CRYZL1: variants seen among roughly 807,000 people sequenced by gnomAD.
CRYZL1 encodes crystallin zeta like 1.
Under a neutral mutation model 50.6 loss-of-function variants are expected in CRYZL1, and 34 were observed. The ratio of observed to expected loss-of-function variants is 0.67; its 90% CI spans 0.51 to 0.89. The LOEUF is 0.89. Among genes scored for constraint, CRYZL1 ranks in the 40% least tolerant of loss-of-function variants. CRYZL1 has a pLI of 0.00. For missense variants in CRYZL1, 354 were observed against 402.3 expected, an observed-to-expected ratio of 0.88 and a Z score of 1.03; for synonymous variants, 125 against 134.3, an observed-to-expected ratio of 0.93 and a Z score of 0.48.
chr21:33,595,411 G>C, intron 11 of CRYZL1: 1 of 1,336,946 alleles, frequency 7.5e-7, no homozygotes, highest in Non-Finnish European at 9.9e-7. Flanking sequence ...AATCTTCCAG[G>C]TATCTTAGGG....
At chr21:33,627,266 G>T (rs933064714) in intron 2 of CRYZL1, among the ~76,000 whole-genome samples, 6 of 152,128 alleles carry the variant, frequency 3.9e-5, no homozygotes, top group South Asian at 2.1e-4. Flanking sequence ...ACCATGCCCA[G>T]CTAATTTTTT....
intron 4 of CRYZL1, among the ~76,000 whole-genome samples, chr21:33,621,307 A>C (rs1163349877): frequency 7.2e-6 from 1 of 139,716 alleles, no homozygotes; most frequent in Admixed American, 7.8e-5. Context: ...CTGATGAACC[A>C]AAAAAAAAAA....
chr21:33,601,183 C>G (rs1054577053), intron 8 of CRYZL1, among the ~76,000 whole-genome samples: 3 of 151,682 alleles, frequency 2.0e-5, no homozygotes, highest in African/African-American at 7.3e-5. Flanking sequence ...GTGATCCACC[C>G]GCCTCGGCCT....
chr21:33,613,460 A>G (rs890005775), intron 6 of CRYZL1, 78 bp downstream of exon 6: 2 of 1,012,378 alleles, frequency 2.0e-6, no homozygotes, highest in African/African-American at 3.2e-5. Flanking sequence ...GTAGATTCAA[A>G]AAAATTAAAA....
intron 6 of CRYZL1, 71 bp from the exon 7 acceptor site, chr21:33,603,608 C>G (rs1601330766): frequency 6.4e-7 from 1 of 1,568,012 alleles, no homozygotes; most frequent in East Asian, 2.3e-5. Flanking sequence ...ATCTATTTCT[C>G]TCCATCTCTA....
intron 6 of CRYZL1, 43 bp from the exon 7 acceptor site, chr21:33,603,580 A>C (rs1470986428): frequency 6.2e-7 from 1 of 1,609,076 alleles, no homozygotes; most frequent in Non-Finnish European, 8.5e-7. Context: ...AGCAAGTCCC[A>C]CAAGTCCTAC....
intron 1 of CRYZL1, among the ~76,000 whole-genome samples, chr21:33,635,364 T>A (rs1374062363): frequency 2.0e-5 from 3 of 146,770 alleles, no homozygotes; most frequent in African/African-American, 7.6e-5. Flanking sequence ...TTTTTTTTTT[T>A]TTTTGAGACG....
intron 2 of CRYZL1, among the ~76,000 whole-genome samples, chr21:33,628,454 TC>T (rs2087095690): frequency 6.6e-6 from 1 of 152,204 alleles, no homozygotes. Flanking sequence ...ACATAGACTA[TC>T]TTTCCACTTA....
intron 6 of CRYZL1, among the ~76,000 whole-genome samples, chr21:33,603,795 G>A (rs2145925760): frequency 6.6e-6 from 1 of 152,242 alleles, no homozygotes; most frequent in East Asian, 1.9e-4. Context: ...AAATATAGCT[G>A]GATGAATAAA....
At chr21:33,641,337 A>C in intron 1 of CRYZL1, 1 of 1,532,624 alleles carries the variant, frequency 6.5e-7, no homozygotes, top group Non-Finnish European at 8.8e-7. Flanking sequence ...AGAAAAAGAC[A>C]CTCAAATTCT....
At chr21:33,596,179 T>C in intron 10 of CRYZL1, 2 of 506,324 alleles carry the variant, frequency 4.0e-6, no homozygotes, top group South Asian at 1.6e-5. Flanking sequence ...TCAGCCATCA[T>C]GTAAATATGT....
intron 8 of CRYZL1, among the ~76,000 whole-genome samples, chr21:33,600,772 C>A (rs2086743209): frequency 1.3e-5 from 2 of 149,168 alleles, no homozygotes; most frequent in Non-Finnish European, 3.0e-5. Flanking sequence ...ACTACAGGTG[C>A]CCGCCACCAT....
Position 33,590,004 on chromosome 21 carries a change from C to T in CRYZL1, c.951-83G>A. 2 of 749,580 alleles carry T rather than the reference C, an allele frequency of 2.7e-6. 1 individual carries two copies. Among genetic ancestry groups the T allele is most frequent in the South Asian group, 3.7e-5 (2 of 54,260 alleles). 46.4% of individuals were successfully genotyped at this position (749,580 alleles called of 1,614,324 possible). A position where few individuals can be genotyped will look rare whatever the true frequency, so the allele number is the denominator to read the frequency against. ...GGGTGGTATATGACAAATGCTAGTG[C>T]TCAAATCTATTAGTGTATTAATTAA... On this transcript the variant is annotated intron_variant, in intron 12 of 12. Coordinates refer to ENST00000381554, the MANE Select transcript of CRYZL1 (RefSeq NM_145858.3).
chr21:33,591,517 A>C, intron 11 of CRYZL1: 1 of 391,458 alleles, frequency 2.6e-6, no homozygotes, highest in Non-Finnish European at 4.6e-6. Context: ...AATAGTGTCT[A>C]GTTTTCATTT....
At chr21:33,612,475 G>A (rs564093882) in intron 6 of CRYZL1, among the ~76,000 whole-genome samples, 8 of 152,258 alleles carry the variant, frequency 5.3e-5, no homozygotes, top group African/African-American at 1.9e-4. Flanking sequence ...TTTTAGTAGA[G>A]ACAGAGTTTC....
At chr21:33,603,584 G>A (rs1161082060) in intron 6 of CRYZL1, 47 bp from the exon 7 acceptor site, 1 of 1,606,842 alleles carries the variant, frequency 6.2e-7, no homozygotes. Context: ...AGTCCCACAA[G>A]TCCTACCTCC....
chr21:33,595,785 A>G lies in CRYZL1; in HGVS notation c.850T>C (p.Phe284Leu). The G allele has an allele frequency of 6.2e-7, 1 of 1,614,156 alleles. No individual in the cohort carries two copies. The highest frequency in any genetic ancestry group is 8.5e-7 in the Non-Finnish European group (1 of 1,179,976). ...AAATTCCAAACTTCATCATTCAGGAAAGCTAACGTTGCTCCCTTGAGGAAA... is the reference window on the plus strand; with the variant it reads ...AAATTCCAAACTTCATCATTCAGGAGAGCTAACGTTGCTCCCTTGAGGAAA... Reference protein sequence around the residue: ...CLFLKGATLAFLNDEVWNLSN... With the variant: ...CLFLKGATLALLNDEVWNLSN... The change falls in exon 11 of 13, where the codon TTC becomes CTC. Residue 284 changes from phenylalanine to leucine, a missense_variant. Physicochemically the swap from Phe to Leu is conservative, Grantham distance 22. Coordinates refer to ENST00000381554, the MANE Select transcript of CRYZL1 (RefSeq NM_145858.3).
chr21:33,629,734 G>A (rs1194509873), intron 2 of CRYZL1, among the ~76,000 whole-genome samples: 1 of 152,098 alleles, frequency 6.6e-6, no homozygotes, highest in Non-Finnish European at 1.5e-5. Flanking sequence ...TCTTTCTCTT[G>A]CCTAATTGCT....
intron 5 of CRYZL1, 83 bp downstream of exon 5, chr21:33,616,623 A>G (rs770657633): frequency 1.3e-6 from 2 of 1,599,500 alleles, no homozygotes; most frequent in Non-Finnish European, 1.7e-6. Flanking sequence ...GCAAGGTCAC[A>G]GTGAACATTA....
Sources: allele counts gnomAD v4.1 joint callset (sites outside exome capture counted in the v4.1 genomes callset), GRCh38; gene constraint gnomAD v4.1.1; transcripts MANE v1.5; gene names NCBI Gene and HGNC (gene_info 2026-07-23, HGNC 2026-07-21).